Variants in LUZP1 observed in about 807,000 individuals in gnomAD.
LUZP1 encodes the protein filamin mechanobinding actin cross-linking protein.
Under a neutral mutation model 71.3 loss-of-function variants are expected in LUZP1, and 25 were observed. That is an observed-to-expected ratio of 0.35 (90% confidence interval 0.26 to 0.49). The LOEUF (loss-of-function observed/expected upper bound fraction) is 0.49, where lower values mean the gene tolerates loss of function less well. LUZP1 is among the 20% of genes least tolerant of loss of function. The pLI, the probability that LUZP1 is intolerant of heterozygous loss-of-function variation, is 0.99. For missense variants in LUZP1, 1,142 were observed against 1,300.8 expected (o/e 0.88, Z 1.88); for synonymous variants, 481 against 506.4 (o/e 0.95, Z 0.67).
intron 2 of LUZP1, among the ~76,000 whole-genome samples, chr1:23,148,610 T>C (rs1644360129): frequency 6.6e-6 from 1 of 152,202 alleles, no homozygotes; most frequent in Admixed American, 6.5e-5. Context: ...GTGGTGCTTG[T>C]GAATTCTATT....
At chr1:23,103,647 C>CTTCTT (rs1342222247) in intron 3 of LUZP1, among the ~76,000 whole-genome samples, 1 of 151,694 alleles carries the variant, frequency 6.6e-6, no homozygotes, top group African/African-American at 2.4e-5. Context: ...CACATTTAAC[C>CTTCTT]ACCTGATTAC....
chr1:23,167,446 C>T (rs1428292313), intron 2 of LUZP1, among the ~76,000 whole-genome samples: 1 of 152,202 alleles, frequency 6.6e-6, no homozygotes, highest in East Asian at 1.9e-4. Flanking sequence ...GCAGCGCAAT[C>T]CTTCTCCCAA....
chr1:23,128,173 TC>T (rs1644187239), intron 2 of LUZP1, among the ~76,000 whole-genome samples: 1 of 151,602 alleles, frequency 6.6e-6, no homozygotes, highest in African/African-American at 2.4e-5. Flanking sequence ...TTCATTCAAC[TC>T]CCTTTTAATT....
chr1:23,140,580 TC>T (rs1315986322), intron 2 of LUZP1: 1 of 152,248 alleles, frequency 6.6e-6, no homozygotes, highest in Non-Finnish European at 1.5e-5. Context: ...TAAAAGTCCT[TC>T]CTGCCCTTTG....
intron 1 of LUZP1, among the ~76,000 whole-genome samples, chr1:23,174,616 CATT>C (rs751655456): frequency 2.0e-5 from 3 of 152,134 alleles, no homozygotes; most frequent in Non-Finnish European, 2.9e-5. Context: ...CACTTTCACT[CATT>C]ATATCTTTCT....
At chr1:23,100,879 T>G (rs1643926197) in intron 3 of LUZP1, among the ~76,000 whole-genome samples, 1 of 152,204 alleles carries the variant, frequency 6.6e-6, no homozygotes, top group Non-Finnish European at 1.5e-5. Context: ...ACCCCTTATT[T>G]TAGAAACAAG....
At chr1:23,154,709 ATTTTT>A (rs1191570803) in intron 2 of LUZP1, among the ~76,000 whole-genome samples, 5 of 125,608 alleles carry the variant, frequency 4.0e-5, no homozygotes, top group African/African-American at 1.6e-4. Context: ...CACCTGGCTA[ATTTTT>A]TTTTTTTTTT....
chr1:23,150,947 G>A (rs1221716555), intron 2 of LUZP1, among the ~76,000 whole-genome samples: 1 of 152,144 alleles, frequency 6.6e-6, no homozygotes, highest in African/African-American at 2.4e-5. Context: ...GATTTGTTGT[G>A]TTCTACAAAG....
chr1:23,089,958 C>T (rs1447573944), intron 4 of LUZP1, among the ~76,000 whole-genome samples: 1 of 152,168 alleles, frequency 6.6e-6, no homozygotes, highest in Non-Finnish European at 1.5e-5. Flanking sequence ...CGGGGTTTCA[C>T]TATATTGTCC....
chr1:23,087,641 T>C (rs1036723524), exon 5 of LUZP1: 1 of 152,626 alleles, frequency 6.6e-6, no homozygotes, highest in Non-Finnish European at 1.5e-5. Flanking sequence ...GACAGAATGC[T>C]AAAGAAAAAG....
intron 2 of LUZP1, among the ~76,000 whole-genome samples, chr1:23,110,664 A>C (rs975064718): frequency 8.1e-4 from 122 of 150,804 alleles, no homozygotes; most frequent in Middle Eastern, 3.4e-3. Flanking sequence ...ACACACACAC[A>C]CCCATCCCTG....
intron 4 of LUZP1, 82 bp downstream of exon 3, chr1:23,091,108 G>T: frequency 7.3e-7 from 1 of 1,374,588 alleles, no homozygotes; most frequent in South Asian, 1.4e-5. Flanking sequence ...GGTCACACAG[G>T]CCAGAGCAGA....
chr1:23,138,649 T>C (rs1478244408), intron 2 of LUZP1, among the ~76,000 whole-genome samples: 2 of 147,528 alleles, frequency 1.4e-5, no homozygotes, highest in African/African-American at 2.5e-5. Flanking sequence ...TTTTATGGTA[T>C]ATGGATTATG....
chr1:23,136,364 A>G (rs1183926477), intron 2 of LUZP1, among the ~76,000 whole-genome samples: 1 of 151,352 alleles, frequency 6.6e-6, no homozygotes, highest in Non-Finnish European at 1.5e-5. Flanking sequence ...ATTAAAGAGG[A>G]AAAAACAAAA....
chr1:23,152,446 G>C (rs529388910), intron 2 of LUZP1, among the ~76,000 whole-genome samples: 1 of 152,146 alleles, frequency 6.6e-6, no homozygotes. Flanking sequence ...AGTCCACAGA[G>C]AATTTGAGGG....
chr1:23,154,080 G>C (rs926996264), intron 2 of LUZP1, among the ~76,000 whole-genome samples: 6 of 152,116 alleles, frequency 3.9e-5, no homozygotes, highest in African/African-American at 7.2e-5. Context: ...AGACTAAAAG[G>C]CTACAGACTA....
intron 2 of LUZP1, among the ~76,000 whole-genome samples, chr1:23,163,680 A>G (rs1263445857): frequency 6.6e-6 from 1 of 152,228 alleles, no homozygotes; most frequent in African/African-American, 2.4e-5. Flanking sequence ...AGATGACAAC[A>G]GCAATGCCTA....
intron 3 of LUZP1, among the ~76,000 whole-genome samples, chr1:23,104,991 AAAG>A (rs1643969257): frequency 6.6e-6 from 1 of 152,228 alleles, no homozygotes; most frequent in Non-Finnish European, 1.5e-5. Context: ...GAGGAAATAA[AAAG>A]AATACCACTG....
At chr1:23,124,247 T>C (rs1360969707) in intron 2 of LUZP1, among the ~76,000 whole-genome samples, 1 of 152,144 alleles carries the variant, frequency 6.6e-6, no homozygotes, top group Non-Finnish European at 1.5e-5. Flanking sequence ...GGTGCAATAA[T>C]CTAGTCTAGC....
Sources: allele counts gnomAD v4.1 joint callset (sites outside exome capture counted in the v4.1 genomes callset), GRCh38; gene constraint gnomAD v4.1.1; transcripts MANE v1.5; gene names NCBI Gene and HGNC (gene_info 2026-07-23, HGNC 2026-07-21).